Variants in PPP1R9A observed in about 807,000 individuals in gnomAD.
PPP1R9A encodes the protein protein phosphatase 1 regulatory subunit 9A.
A neutral mutation model predicts 141.9 loss-of-function variants in PPP1R9A; 59 were observed. The observed-to-expected ratio is 0.42, with a 90% CI of 0.34 to 0.52. The LOEUF (loss-of-function observed/expected upper bound fraction) is 0.52. PPP1R9A is among the 20% of genes least tolerant of loss of function. PPP1R9A has a pLI of 0.10. For missense variants in PPP1R9A, 1,444 were observed against 1,611.9 expected, an observed-to-expected ratio of 0.90 and a Z score of 1.78; for synonymous variants, 500 against 569.7, an observed-to-expected ratio of 0.88 and a Z score of 1.74.
chr7:95,104,219 A>G lies in PPP1R9A; in HGVS notation c.1396-7040A>G, dbSNP rs75528376. The stretch of plus-strand genomic sequence containing the variant: ...TTAACAGCTTTTGGAGTAATAACCT[A>G]ACTAGTACTCCATTTGATCCTGTTT... On this transcript the variant is annotated intron_variant, in intron 2 of 19. Coordinates refer to ENST00000433360, the MANE Select transcript of PPP1R9A (RefSeq NM_001166160.2). 2.0e-3 allele frequency among the ~76,000 whole-genome samples: 303 copies of G among 152,320 alleles called. 2 individuals are homozygous for G. The highest frequency in any genetic ancestry group is 3.9e-3 in the Non-Finnish European group (262 of 68,026).
At chr7:94,970,662 G>A (rs1390546732) in intron 2 of PPP1R9A, among the ~76,000 whole-genome samples, 7 of 139,898 alleles carry the variant, frequency 5.0e-5, no homozygotes, top group African/African-American at 1.6e-4. Context: ...TTGAGATAGA[G>A]TCTCTCTCTG....
intron 7 of PPP1R9A, among the ~76,000 whole-genome samples, chr7:95,220,353 T>C (rs566694203): frequency 6.6e-6 from 1 of 152,148 alleles, no homozygotes; most frequent in South Asian, 2.1e-4. Context: ...GTAAACAAAT[T>C]CCATCAAAAA....
At chr7:95,211,989 CTAAT>C (rs1175230398) in intron 7 of PPP1R9A, among the ~76,000 whole-genome samples, 1 of 151,974 alleles carries the variant, frequency 6.6e-6, no homozygotes, top group East Asian at 1.9e-4. Context: ...GTCCCTGTCT[CTAAT>C]CAATCAATTA....
intron 6 of PPP1R9A, among the ~76,000 whole-genome samples, chr7:95,202,816 G>A (rs148089191): frequency 5.8e-4 from 88 of 152,052 alleles, no homozygotes; most frequent in Non-Finnish European, 1.1e-3. Context: ...TTGAAATGCT[G>A]CAGGCTTAGA....
At chr7:94,915,347 T>G (rs1791942507) in intron 2 of PPP1R9A, among the ~76,000 whole-genome samples, 1 of 152,212 alleles carries the variant, frequency 6.6e-6, no homozygotes, top group South Asian at 2.1e-4. Context: ...TCTGTTGAGA[T>G]CCAACTTTTT....
Position 95,065,646 on chromosome 7 carries a change from A to G in PPP1R9A, c.1396-45613A>G, listed in dbSNP as rs542484264. Reference sequence around the variant, plus strand: ...AATAAACTACTGTTATTCTTCAAGAAACATCCATCTTCTGCACAGACCAAA... The same window carrying G: ...AATAAACTACTGTTATTCTTCAAGAGACATCCATCTTCTGCACAGACCAAA... On this transcript the variant is annotated intron_variant, in intron 2 of 19. Transcript: ENST00000433360. 6.5e-4 allele frequency among the ~76,000 whole-genome samples: 99 copies of G among 152,298 alleles called. 1 individual carries two copies. The highest frequency in any genetic ancestry group is 2.3e-3 in the African/African-American group (95 of 41,570).
At chr7:95,234,284 A>G (rs1796375442) in intron 8 of PPP1R9A, among the ~76,000 whole-genome samples, 1 of 152,090 alleles carries the variant, frequency 6.6e-6, no homozygotes, top group South Asian at 2.1e-4. Flanking sequence ...AACTATAAAG[A>G]CTCATCCAAA....
In PPP1R9A at chr7:94,909,880, C is replaced by A; in HGVS notation, c.-216-18C>A. Reference sequence around the variant, plus strand: ...AAATAAGTAAATGAATTCAGAAATTCATTCTTTTCTATTGCAGATGAACCT... The same window carrying A: ...AAATAAGTAAATGAATTCAGAAATTAATTCTTTTCTATTGCAGATGAACCT... On this transcript the variant is annotated intron_variant, in intron 1 of 19. Coordinates refer to ENST00000433360, the MANE Select transcript of PPP1R9A (RefSeq NM_001166160.2). 2.7e-6 allele frequency: 1 copy of A among 370,166 alleles called. No homozygotes were observed. The highest frequency in any genetic ancestry group is 4.8e-6 in the Non-Finnish European group (1 of 206,578). 22.9% of individuals were successfully genotyped at this position (370,166 alleles called of 1,614,324 possible).
At chr7:95,148,595 G>C (rs1354440831) in intron 4 of PPP1R9A, among the ~76,000 whole-genome samples, 1 of 150,756 alleles carries the variant, frequency 6.6e-6, no homozygotes, top group Non-Finnish European at 1.5e-5. Flanking sequence ...TGTAAACTCA[G>C]CACTTTGGGA....
chr7:95,168,452 A>T (rs1047640104), intron 5 of PPP1R9A, among the ~76,000 whole-genome samples: 4 of 152,166 alleles, frequency 2.6e-5, no homozygotes, highest in African/African-American at 7.2e-5. Context: ...AGAAGGAAGC[A>T]TAGAGGAAAC....
intron 2 of PPP1R9A, among the ~76,000 whole-genome samples, chr7:95,081,280 G>A (rs929288546): frequency 1.3e-5 from 2 of 152,080 alleles, no homozygotes; most frequent in Non-Finnish European, 2.9e-5. Flanking sequence ...TTTAAAAAGA[G>A]CATAACAAGG....
At chr7:95,189,625 A>G (rs1835184892) in intron 5 of PPP1R9A, among the ~76,000 whole-genome samples, 1 of 150,280 alleles carries the variant, frequency 6.7e-6, no homozygotes, top group African/African-American at 2.4e-5. Context: ...TTTAGTAGAG[A>G]CGGGGTTTCA....
chr7:94,978,198 CCATAAAGTGATTTCT>C (rs1799693316), intron 2 of PPP1R9A, among the ~76,000 whole-genome samples: 2 of 152,104 alleles, frequency 1.3e-5, no homozygotes, highest in Non-Finnish European at 2.9e-5. Flanking sequence ...TTCTCCTAGG[CCATAAAGTGATTTCT>C]TATAAGATAC....
Position 94,999,777 on chromosome 7 carries a change from T to TTTTTTTTATTTA in PPP1R9A, c.1395+88272_1395+88273insTTTTATTTATTT, listed in dbSNP as rs556826158. Among the ~76,000 whole-genome samples the TTTTTTTTATTTA allele has an allele frequency of 1.8e-3, 253 of 141,354 alleles. 2 individuals are homozygous for TTTTTTTTATTTA. Among genetic ancestry groups the TTTTTTTTATTTA allele is most frequent in the African/African-American group, 6.4e-3 (237 of 37,146 alleles). 92.7% of individuals were successfully genotyped at this position (141,354 alleles called of 152,430 possible). On this transcript the variant is annotated intron_variant, in intron 2 of 19. Coordinates refer to ENST00000433360, the MANE Select transcript of PPP1R9A (RefSeq NM_001166160.2). ...TACCAAAACCAGCTGAGATATCTTATTTTATTTATTTATTTATTTATTTAT... is the reference window on the plus strand; with the variant it reads ...TACCAAAACCAGCTGAGATATCTTATTTTTTTTATTTATTTATTTATTTATTTATTTATTTAT...
chr7:95,085,520 T>C (rs1415420793), intron 2 of PPP1R9A, among the ~76,000 whole-genome samples: 1 of 151,272 alleles, frequency 6.6e-6, no homozygotes, highest in African/African-American at 2.4e-5. Flanking sequence ...GTTCAAGCGA[T>C]TCTCCTGCCT....
At chr7:94,919,797 T>A (rs894631192) in intron 2 of PPP1R9A, among the ~76,000 whole-genome samples, 1 of 152,148 alleles carries the variant, frequency 6.6e-6, no homozygotes, top group Admixed American at 6.5e-5. Context: ...ATAGTCTATA[T>A]TACTATTAAA....
chr7:95,196,168 A>G (rs1836248802), intron 5 of PPP1R9A, among the ~76,000 whole-genome samples: 1 of 152,164 alleles, frequency 6.6e-6, no homozygotes, highest in Non-Finnish European at 1.5e-5. Flanking sequence ...AATGGGTAAA[A>G]CAGTTGAAAA....
chr7:95,148,367 A>AC (rs1828024528), intron 4 of PPP1R9A, among the ~76,000 whole-genome samples: 1 of 151,972 alleles, frequency 6.6e-6, no homozygotes, highest in Non-Finnish European at 1.5e-5. Context: ...TGAGAGAGAA[A>AC]AATTCACTGT....
chr7:95,269,023 A>G (rs898448456), intron 13 of PPP1R9A, among the ~76,000 whole-genome samples, 184 bp from the exon 14 acceptor site: 7 of 152,194 alleles, frequency 4.6e-5, no homozygotes, highest in African/African-American at 1.7e-4. Context: ...GGTCTTAGGT[A>G]TATGTATTAG....
Sources: allele counts gnomAD v4.1 joint callset (sites outside exome capture counted in the v4.1 genomes callset), GRCh38; gene constraint gnomAD v4.1.1; transcripts MANE v1.5; gene names NCBI Gene and HGNC (gene_info 2026-07-23, HGNC 2026-07-21).